The following ZFYVE1 variants were observed in gnomAD, a reference collection of about 807,000 sequenced individuals.
ZFYVE1 encodes zinc finger FYVE domain-containing protein 1.
Under a neutral mutation model 74.4 loss-of-function variants are expected in ZFYVE1, and 30 were observed. The ratio of observed to expected loss-of-function variants is 0.40; its 90% CI spans 0.30 to 0.55. The LOEUF (loss-of-function observed/expected upper bound fraction) is 0.55, where lower values mean the gene tolerates loss of function less well. Among genes scored for constraint, ZFYVE1 ranks in the 20% least tolerant of loss-of-function variants. ZFYVE1 has a pLI of 0.42. For missense variants in ZFYVE1, 703 were observed against 1,011.6 expected (o/e 0.69, Z 4.14); for synonymous variants, 335 against 385.1 (o/e 0.87, Z 1.52).
At chr14:73,011,856 C>T (rs1239027243) in intron 2 of ZFYVE1, among the ~76,000 whole-genome samples, 1 of 148,728 alleles carries the variant, frequency 6.7e-6, no homozygotes, top group African/African-American at 2.5e-5. Context: ...AAAAAAGAAA[C>T]CTATAATAAG....
chr14:73,023,953 G>A (rs1319953072), intron 2 of ZFYVE1, 73 bp downstream of exon 2: 8 of 1,543,872 alleles, frequency 5.2e-6, no homozygotes, highest in East Asian at 4.5e-5. Flanking sequence ...CTTGGACATC[G>A]TTTTTTGAGA....
At chr14:73,013,670 C>T (rs1479338002) in intron 2 of ZFYVE1, among the ~76,000 whole-genome samples, 1 of 152,066 alleles carries the variant, frequency 6.6e-6, no homozygotes, top group Non-Finnish European at 1.5e-5. Flanking sequence ...AGTATCCACC[C>T]TTCCCCACCT....
At chr14:72,997,035 C>T (rs1013978536) in intron 3 of ZFYVE1, among the ~76,000 whole-genome samples, 4 of 152,268 alleles carry the variant, frequency 2.6e-5, no homozygotes, top group South Asian at 2.1e-4. Context: ...TACACACACA[C>T]GTCCCATGTC....
intron 8 of ZFYVE1, among the ~76,000 whole-genome samples, chr14:72,977,331 G>A (rs151157965): frequency 0.078 from 11,876 of 152,016 alleles, 618 homozygotes; most frequent in East Asian, 0.19. Flanking sequence ...ACTTGAACCC[G>A]GGAGGTGGAG....
chr14:72,986,586 G>C (rs1365110255), intron 4 of ZFYVE1, among the ~76,000 whole-genome samples: 1 of 134,470 alleles, frequency 7.4e-6, no homozygotes, highest in Non-Finnish European at 1.7e-5. Flanking sequence ...TTTTGAGACA[G>C]AGTCTCGCTC....
chr14:72,983,355 C>A (rs1367753541), intron 4 of ZFYVE1, among the ~76,000 whole-genome samples: 10 of 133,802 alleles, frequency 7.5e-5, no homozygotes, highest in East Asian at 2.5e-4. Flanking sequence ...CCCTCCCCCC[C>A]ACCCCACCAC....
At chr14:72,984,602 A>C (rs1019128248) in intron 4 of ZFYVE1, among the ~76,000 whole-genome samples, 1 of 152,288 alleles carries the variant, frequency 6.6e-6, no homozygotes, top group Non-Finnish European at 1.5e-5. Context: ...GCTGAGAATA[A>C]ATGAGAAGCA....
chr14:72,973,334 C>G (rs906794047), intron 11 of ZFYVE1, among the ~76,000 whole-genome samples: 4 of 151,936 alleles, frequency 2.6e-5, no homozygotes, highest in Admixed American at 2.0e-4. Context: ...ACTAAAAATA[C>G]AAAAATTAGC....
In ZFYVE1 at chr14:72,970,660, G is replaced by T. The variant is rs912049359; in HGVS notation, c.*222C>A. The T allele has an allele frequency of 1.0e-5, 6 of 590,268 alleles. No homozygotes were observed. The highest frequency in any genetic ancestry group is 1.8e-5 in the Non-Finnish European group (6 of 330,062). 36.6% of individuals were successfully genotyped at this position (590,268 alleles called of 1,614,324 possible). A position where few individuals can be genotyped will look rare whatever the true frequency, so the allele number is the denominator to read the frequency against. The stretch of plus-strand genomic sequence containing the variant: ...ACTGAAATAAATGCAACGGATTCAG[G>T]TTCATTCCCCTTTGCGATAAGTTGC... On this transcript the variant is annotated 3_prime_UTR_variant, in exon 12 of 12. Transcript: ENST00000556143.
intron 1 of ZFYVE1, among the ~76,000 whole-genome samples, chr14:73,025,467 G>C (rs1048615698): frequency 2.0e-5 from 3 of 151,828 alleles, no homozygotes; most frequent in Admixed American, 1.3e-4. Context: ...AGGCCGAGGT[G>C]GGCAGATCAC....
At chr14:72,981,657 A>C in intron 5 of ZFYVE1, 132 bp downstream of exon 5, 1 of 828,438 alleles carries the variant, frequency 1.2e-6, no homozygotes, top group Non-Finnish European at 2.0e-6. Context: ...ACCATTTTGG[A>C]TAATTTAAAT....
intron 2 of ZFYVE1, among the ~76,000 whole-genome samples, chr14:73,010,044 T>C (rs767922733): frequency 3.3e-5 from 5 of 152,140 alleles, no homozygotes; most frequent in Non-Finnish European, 7.4e-5. Flanking sequence ...ATGGTGCCAC[T>C]GCACTCCAGC....
At position 73,024,775 on chromosome 14, in the gene ZFYVE1, G is replaced by T; in HGVS notation, c.-267C>A. On this transcript the variant is annotated 5_prime_UTR_variant, in exon 2 of 12. Transcript: ENST00000556143. ...TCCATAAAGTGCAAGCAAAGATGTG[G>T]TCAAAATTGACTTGGAAGGGTCTTT... The T allele has an allele frequency of 2.5e-6, 1 of 400,840 alleles. No homozygotes were observed. Among genetic ancestry groups the T allele is most frequent in the Non-Finnish European group, 4.4e-6 (1 of 229,612 alleles). The allele number at this position is 400,840 out of a possible 1,614,324, so 24.8% of individuals were successfully genotyped here.
intron 2 of ZFYVE1, among the ~76,000 whole-genome samples, chr14:73,020,919 A>G (rs1410058610): frequency 6.6e-6 from 1 of 152,108 alleles, no homozygotes; most frequent in African/African-American, 2.4e-5. Flanking sequence ...TTTTCATTAG[A>G]GACAGGGTTT....
At chr14:72,985,612 G>C (rs4903084) in intron 4 of ZFYVE1, among the ~76,000 whole-genome samples, 1 of 151,494 alleles carries the variant, frequency 6.6e-6, no homozygotes. Flanking sequence ...GGTTACAGGC[G>C]TGAGCCACCG....
At chr14:73,007,860 C>A (rs1221146369) in intron 2 of ZFYVE1, among the ~76,000 whole-genome samples, 1 of 152,194 alleles carries the variant, frequency 6.6e-6, no homozygotes, top group East Asian at 1.9e-4. Context: ...GGTATGTATA[C>A]CTCATGTCTA....
At chr14:73,023,536 C>A (rs1894391190) in intron 2 of ZFYVE1, among the ~76,000 whole-genome samples, 1 of 148,446 alleles carries the variant, frequency 6.7e-6, no homozygotes, top group South Asian at 2.1e-4. Context: ...ATCAAGATAA[C>A]AGGTTTATGC....
At chr14:73,006,424 A>C (rs1178249204) in intron 2 of ZFYVE1, among the ~76,000 whole-genome samples, 1 of 151,612 alleles carries the variant, frequency 6.6e-6, no homozygotes, top group Non-Finnish European at 1.5e-5. Flanking sequence ...AAAATATAAA[A>C]ATTAGCTGGG....
chr14:73,003,925 T>G (rs544504462), intron 2 of ZFYVE1, among the ~76,000 whole-genome samples: 1 of 152,126 alleles, frequency 6.6e-6, no homozygotes, highest in Non-Finnish European at 1.5e-5. Context: ...AGGAGCTCAG[T>G]GTACAGCTGC....
Sources: allele counts gnomAD v4.1 joint callset (sites outside exome capture counted in the v4.1 genomes callset), GRCh38; gene constraint gnomAD v4.1.1; transcripts MANE v1.5; gene names NCBI Gene and HGNC (gene_info 2026-07-23, HGNC 2026-07-21).